NEK6: variants seen among roughly 807,000 people sequenced by gnomAD.
NEK6 encodes NIMA related kinase 6.
NEK6 carries 27 observed loss-of-function variants against 43.5 expected under a neutral mutation model. The observed-to-expected ratio is 0.62, with a 90% CI of 0.46 to 0.86. The LOEUF (loss-of-function observed/expected upper bound fraction) is 0.86. NEK6 is among the 40% of genes least tolerant of loss of function. NEK6 has a pLI of 0.00. For missense variants in NEK6, 318 were observed against 414.4 expected, an observed-to-expected ratio of 0.77 and a Z score of 2.02; for synonymous variants, 167 against 164.1, an observed-to-expected ratio of 1.02 and a Z score of -0.14.
intron 1 of NEK6, chr9:124,292,473 G>A (rs1832467506): frequency 4.6e-6 from 7 of 1,536,876 alleles, no homozygotes; most frequent in South Asian, 2.4e-5. Context: ...GGGAGGCCAC[G>A]GGCTTGAAAG....
chr9:124,289,187 C>CA (rs1832298509), intron 1 of NEK6, among the ~76,000 whole-genome samples: 1 of 46,026 alleles, frequency 2.2e-5, no homozygotes, highest in African/African-American at 1.3e-4. Context: ...CCCCCCCCCG[C>CA]CACACACACA....
rs773702318 is a variant in NEK6, at chr9:124,301,916, G to C, written c.-29-20G>C. 1.5e-5 allele frequency: 23 copies of C among 1,545,172 alleles called. No homozygotes were observed. Among genetic ancestry groups the C allele is most frequent in the Non-Finnish European group, 1.9e-5 (22 of 1,139,444 alleles). On this transcript the variant is annotated intron_variant, in intron 1 of 9. Transcript: ENST00000320246. ...AGGGTCTCAAAGAGAAAGTGAACAG[G>C]CCGCTGTTTTCTGTTGCAGTTCGTG...
Position 124,339,985 on chromosome 9 carries a change from A to G in NEK6, c.717+320A>G, listed in dbSNP as rs533783327. Among the ~76,000 whole-genome samples the G allele has an allele frequency of 1.6e-4, 24 of 152,260 alleles. No homozygotes were observed. In the East Asian group the frequency reaches 4.6e-3, roughly 29 times the overall value. ...GTCGCCCTGGTAACCACATTAACAC[A>G]CCGGCGATTCTGTTCATCCTTTATT... On this transcript the variant is annotated intron_variant, in intron 8 of 9. Coordinates refer to ENST00000320246, the MANE Select transcript of NEK6 (RefSeq NM_014397.6).
Position 124,302,043 on chromosome 9 carries a change from C to A in NEK6, c.79C>A (p.Pro27Thr). The A allele has an allele frequency of 6.2e-7, 1 of 1,603,012 alleles. No individual in the cohort carries two copies. The change falls in exon 2 of 10, where the codon CCT (proline) becomes ACT (threonine). Residue 27 changes from proline (P) to threonine (T), a missense_variant. By Grantham distance (38) the Pro-to-Thr change is conservative. Transcript: ENST00000320246. ...CCACACCCTGGGGCCTGTGCATCCTCCTGACCCACAGGTAAGCCCCTTACC... is the reference window on the plus strand; with the variant it reads ...CCACACCCTGGGGCCTGTGCATCCTACTGACCCACAGGTAAGCCCCTTACC... ...LCHTLGPVHP[P>T]DPQRHPNTLS...
rs1344450389 is a variant in NEK6 at position 124,324,139 on chromosome 9, G to A, written c.406-2191G>A. On this transcript the variant is annotated intron_variant, in intron 5 of 9. Coordinates refer to ENST00000320246, the MANE Select transcript of NEK6 (RefSeq NM_014397.6). The surrounding 1 kb of genome is among the most constrained non-coding windows in gnomAD (Gnocchi z 5.3). ...CCGCCAGCAGGGGAGGCCTGGCAGT[G>A]CAGAGACCCACTCGAGTAAGACACG... Among the ~76,000 whole-genome samples the A allele has an allele frequency of 1.1e-4, 16 of 152,242 alleles. No homozygotes were observed. Among genetic ancestry groups the A allele is most frequent in the Admixed American group, 1.0e-3 (16 of 15,290 alleles).
At chr9:124,270,589 T>C (rs1224327596) in intron 1 of NEK6, among the ~76,000 whole-genome samples, 1 of 152,206 alleles carries the variant, frequency 6.6e-6, no homozygotes, top group African/African-American at 2.4e-5. Flanking sequence ...TGATGTTTTT[T>C]GTTTGCTATT....
chr9:124,318,081 T>C (rs936965916), intron 4 of NEK6, among the ~76,000 whole-genome samples: 9 of 152,214 alleles, frequency 5.9e-5, no homozygotes, highest in African/African-American at 2.2e-4. Context: ...CTATTTTTAG[T>C]TCTTTGAGAA....
intron 9 of NEK6, among the ~76,000 whole-genome samples, chr9:124,350,273 A>G (rs1289292821): frequency 6.6e-6 from 1 of 152,144 alleles, no homozygotes; most frequent in African/African-American, 2.4e-5. Context: ...CACTCCGGCT[A>G]TCAGAAGAAT....
chr9:124,315,645 G>A (rs909964476), intron 4 of NEK6, among the ~76,000 whole-genome samples: 13 of 152,148 alleles, frequency 8.5e-5, no homozygotes, highest in Non-Finnish European at 1.2e-4. Context: ...CCTTCTCCCC[G>A]AGTGAAGGAA....
chr9:124,278,611 A>G (rs1350039388), intron 1 of NEK6, among the ~76,000 whole-genome samples: 2 of 151,984 alleles, frequency 1.3e-5, no homozygotes, highest in South Asian at 2.1e-4. Context: ...CTGGCCCACC[A>G]TAGGACTTAG....
rs912118464 is a variant in NEK6 at position 124,324,250 on chromosome 9, C to T, written c.406-2080C>T. ...CACAATGCCTGGGGTTTGGTGGGAGCTCGGTTCCCCTGGTTCTGCCTGCTC... is the reference window on the plus strand; with the variant it reads ...CACAATGCCTGGGGTTTGGTGGGAGTTCGGTTCCCCTGGTTCTGCCTGCTC... On this transcript the variant is annotated intron_variant, in intron 5 of 9. Transcript: ENST00000320246. This position sits in a 1 kb window ranked among gnomAD's most constrained non-coding sequence, Gnocchi z 5.3. 1.3e-5 allele frequency among the ~76,000 whole-genome samples: 2 copies of T among 152,174 alleles called. No homozygotes were observed. Among genetic ancestry groups the T allele is most frequent in the Non-Finnish European group, 2.9e-5 (2 of 68,010 alleles).
At chr9:124,281,505 T>C (rs1323311510) in intron 1 of NEK6, among the ~76,000 whole-genome samples, 12 of 142,990 alleles carry the variant, frequency 8.4e-5, no homozygotes, top group South Asian at 2.3e-4. Flanking sequence ...TTTTTTTTTT[T>C]TTTTTTTTTT....
chr9:124,291,917 A>T, intron 1 of NEK6: 1 of 985,542 alleles, frequency 1.0e-6, no homozygotes, highest in Non-Finnish European at 1.2e-6. Context: ...GTGTCTGGGG[A>T]CCGGAGTCTT....
intron 1 of NEK6, chr9:124,299,922 C>T (rs994988465): frequency 2.0e-5 from 3 of 152,138 alleles, no homozygotes; most frequent in African/African-American, 7.2e-5. Flanking sequence ...CCCCCTGACC[C>T]TGAGTTGGGC....
intron 5 of NEK6, among the ~76,000 whole-genome samples, chr9:124,322,083 C>T (rs142551301): frequency 1.3e-5 from 2 of 152,332 alleles, no homozygotes; most frequent in African/African-American, 4.8e-5. Context: ...GGTTAAGAGA[C>T]TTGCCTGAGG....
intron 9 of NEK6, among the ~76,000 whole-genome samples, chr9:124,349,034 C>G (rs1830113500): frequency 6.6e-6 from 1 of 152,238 alleles, no homozygotes; most frequent in Non-Finnish European, 1.5e-5. Flanking sequence ...CCAAACTGCA[C>G]AGGGCAGGTC....
intron 5 of NEK6, among the ~76,000 whole-genome samples, chr9:124,322,873 G>A (rs933569664): frequency 2.0e-5 from 3 of 152,250 alleles, no homozygotes; most frequent in Non-Finnish European, 4.4e-5. Context: ...CTGGGAAGTG[G>A]CATTACTTGA....
intron 5 of NEK6, among the ~76,000 whole-genome samples, chr9:124,322,990 T>G (rs1330284669): frequency 6.6e-6 from 1 of 152,178 alleles, no homozygotes; most frequent in African/African-American, 2.4e-5. Context: ...GATCATGTCT[T>G]AGCTCTTCCT....
chr9:124,301,000 T>G (rs1288587434), intron 1 of NEK6, among the ~76,000 whole-genome samples: 2 of 152,216 alleles, frequency 1.3e-5, no homozygotes, highest in African/African-American at 4.8e-5. Flanking sequence ...GTCCCTTCCA[T>G]GCACACCATG....
Sources: gnomAD v4.1 joint callset for allele counts (sites outside exome capture counted in the v4.1 genomes callset) on GRCh38, gnomAD v4.1.1 for gene constraint, Gnocchi (gnomAD v3.1) non-coding constraint, MANE v1.5 for transcripts, NCBI Gene and HGNC (gene_info 2026-07-23, HGNC 2026-07-21) for gene names.